Variants in BNC2 observed in about 807,000 individuals in gnomAD.
The protein encoded by BNC2 is zinc finger protein basonuclin-2.
Under a neutral mutation model 76.3 loss-of-function variants are expected in BNC2, and 20 were observed. The ratio of observed to expected loss-of-function variants is 0.26; its 90% CI spans 0.18 to 0.38. BNC2 has a LOEUF of 0.38. BNC2 is among the 10% of genes least tolerant of loss of function. The pLI, the probability that BNC2 is intolerant of heterozygous loss-of-function variation, is 1.00. For synonymous variants in BNC2, 582 were observed against 514.8 expected, an observed-to-expected ratio of 1.13 and a Z score of -1.77; for missense variants, 1,382 against 1,399.8, an observed-to-expected ratio of 0.99 and a Z score of 0.20.
chr9:16,688,562 T>C (rs1188621364), intron 3 of BNC2, among the ~76,000 whole-genome samples: 2 of 152,226 alleles, frequency 1.3e-5, no homozygotes, highest in East Asian at 1.9e-4. Flanking sequence ...ATACTTGACA[T>C]ACTATATAGT....
chr9:16,749,117 C>A (rs1464232149), intron 1 of BNC2, among the ~76,000 whole-genome samples: 1 of 151,854 alleles, frequency 6.6e-6, no homozygotes, highest in Non-Finnish European at 1.5e-5. Context: ...AAGCACAGTT[C>A]CTGCCTGCTT....
At chr9:16,624,531 G>A (rs887346830) in intron 3 of BNC2, among the ~76,000 whole-genome samples, 4 of 152,088 alleles carry the variant, frequency 2.6e-5, no homozygotes, top group Non-Finnish European at 5.9e-5. Flanking sequence ...CACTTGAGTC[G>A]TCTGCTGCAT....
At chr9:16,837,896 C>A (rs945084782) in intron 1 of BNC2, among the ~76,000 whole-genome samples, 3 of 152,070 alleles carry the variant, frequency 2.0e-5, no homozygotes, top group Non-Finnish European at 4.4e-5. Flanking sequence ...CCATTGCACT[C>A]CAGCTTGGGC....
At chr9:16,458,730 A>ATG (rs1821509280) in intron 5 of BNC2, among the ~76,000 whole-genome samples, 1 of 151,828 alleles carries the variant, frequency 6.6e-6, no homozygotes, top group Non-Finnish European at 1.5e-5. Flanking sequence ...TGTGATATAC[A>ATG]TTTGGCTCCA....
chr9:16,430,937 G>A (rs930153116), intron 6 of BNC2, among the ~76,000 whole-genome samples: 3 of 152,108 alleles, frequency 2.0e-5, no homozygotes, highest in African/African-American at 7.2e-5. Flanking sequence ...ATATAATTTG[G>A]TCTTTAAATT....
In BNC2 at chr9:16,519,196, T is replaced by C. The variant is rs376706574; in HGVS notation, c.669+33334A>G. Among the ~76,000 whole-genome samples, 11 of 152,268 alleles carry C rather than the reference T, an allele frequency of 7.2e-5. No homozygotes were observed. The South Asian group carries it at 1.5e-3, about 20-fold the overall frequency. On this transcript the variant is annotated intron_variant, in intron 5 of 6. Transcript: ENST00000380672. ...GTGTCTCTGGGAGGTGTGACCTTCA[T>C]TTGCATGATAAATCCCAGTGCATTC...
At chr9:16,575,039 CTTA>C (rs762393236) in intron 4 of BNC2, among the ~76,000 whole-genome samples, 3 of 152,160 alleles carry the variant, frequency 2.0e-5, no homozygotes, top group Admixed American at 6.5e-5. Context: ...GCAACTAACA[CTTA>C]TTAAGTGTAT....
At chr9:16,456,372 A>G (rs1191208693) in intron 5 of BNC2, among the ~76,000 whole-genome samples, 1 of 151,988 alleles carries the variant, frequency 6.6e-6, no homozygotes, top group Non-Finnish European at 1.5e-5. Flanking sequence ...CCACTAGATC[A>G]AAAAGGCAAA....
chr9:16,622,099 C>T (rs999843961), intron 3 of BNC2, among the ~76,000 whole-genome samples: 1 of 152,094 alleles, frequency 6.6e-6, no homozygotes, highest in Non-Finnish European at 1.5e-5. Flanking sequence ...TCCTGAGCTT[C>T]ATCATTTCCA....
chr9:16,822,902 A>G (rs559676809), intron 1 of BNC2, among the ~76,000 whole-genome samples: 2 of 152,300 alleles, frequency 1.3e-5, no homozygotes, highest in African/African-American at 4.8e-5. Context: ...CTTGAACTCA[A>G]AAGTTCATAC....
chr9:16,636,555 G>A (rs757696723), intron 3 of BNC2, among the ~76,000 whole-genome samples: 7 of 151,946 alleles, frequency 4.6e-5, no homozygotes, highest in Non-Finnish European at 1.0e-4. Flanking sequence ...CTCCTACCTC[G>A]GCCTCCCAAA....
intron 5 of BNC2, among the ~76,000 whole-genome samples, chr9:16,438,739 G>A (rs539468517): frequency 2.0e-5 from 3 of 152,058 alleles, no homozygotes; most frequent in African/African-American, 7.2e-5. Flanking sequence ...AATTACAAAG[G>A]GAAAATCATA....
chr9:16,654,003 T>C (rs147988439), intron 3 of BNC2, among the ~76,000 whole-genome samples: 217 of 152,150 alleles, frequency 1.4e-3, no homozygotes, highest in Non-Finnish European at 2.7e-3. Context: ...GCGGGTGTTC[T>C]ACCCTACAGC....
At chr9:16,636,945 T>C (rs548758012) in intron 3 of BNC2, among the ~76,000 whole-genome samples, 84 of 150,470 alleles carry the variant, frequency 5.6e-4, no homozygotes, top group African/African-American at 1.8e-3. Flanking sequence ...ATATATGTAT[T>C]TTTTTTTTAA....
At chr9:16,712,354 C>T (rs755243501) in intron 3 of BNC2, among the ~76,000 whole-genome samples, 5 of 151,972 alleles carry the variant, frequency 3.3e-5, no homozygotes, top group Non-Finnish European at 5.9e-5. Context: ...AACCTAAAGC[C>T]AAAAATGCTA....
At chr9:16,780,250 A>AACC (rs1554729480) in intron 1 of BNC2, among the ~76,000 whole-genome samples, 1 of 124,476 alleles carries the variant, frequency 8.0e-6, no homozygotes, top group South Asian at 2.6e-4. Context: ...AAAAAAAAAA[A>AACC]AAAAAACAAA....
At chr9:16,626,587 T>C (rs1173312494) in intron 3 of BNC2, among the ~76,000 whole-genome samples, 1 of 152,094 alleles carries the variant, frequency 6.6e-6, no homozygotes, top group Non-Finnish European at 1.5e-5. Context: ...CAATTTAGTA[T>C]TGGATTCAGA....
At chr9:16,719,920 A>G (rs557597320) in intron 3 of BNC2, among the ~76,000 whole-genome samples, 1 of 152,346 alleles carries the variant, frequency 6.6e-6, no homozygotes, top group South Asian at 2.1e-4. Flanking sequence ...TTGTAGGGAA[A>G]TAAGCTCGTG....
chr9:16,769,325 G>T (rs141970094), intron 1 of BNC2, among the ~76,000 whole-genome samples: 2 of 152,234 alleles, frequency 1.3e-5, no homozygotes, highest in East Asian at 3.9e-4. Flanking sequence ...CATAAAATAG[G>T]TGTCTAATAA....
Sources: gnomAD v4.1 joint callset for allele counts (sites outside exome capture counted in the v4.1 genomes callset) on GRCh38, gnomAD v4.1.1 for gene constraint, MANE v1.5 for transcripts, NCBI Gene and HGNC (gene_info 2026-07-23, HGNC 2026-07-21) for gene names.